FHIT: variants seen among roughly 807,000 people sequenced by gnomAD.
The protein encoded by FHIT is bis(5'-adenosyl)-triphosphatase.
Under a neutral mutation model 17.9 loss-of-function variants are expected in FHIT, and 19 were observed. The observed-to-expected ratio is 1.06, with a 90% CI of 0.74 to 1.56. The LOEUF (loss-of-function observed/expected upper bound fraction) is 1.56. Among genes scored for constraint, FHIT ranks in the 40% most tolerant of loss-of-function variants. The probability of loss-of-function intolerance (pLI) is 0.00; values close to 1 mark genes in which losing one functional copy is unlikely to be tolerated. For synonymous variants in FHIT, 81 were observed against 69.7 expected, an observed-to-expected ratio of 1.16 and a Z score of -0.81; for missense variants, 248 against 189.2, an observed-to-expected ratio of 1.31 and a Z score of -1.82.
chr3:60,925,031 C>G (rs1227466980), intron 3 of FHIT, among the ~76,000 whole-genome samples: 3 of 152,136 alleles, frequency 2.0e-5, no homozygotes, highest in Admixed American at 6.5e-5. Flanking sequence ...AAGAAATGAA[C>G]AAAGCCTACA....
At chr3:61,181,179 G>A (rs2038329359) in intron 2 of FHIT, among the ~76,000 whole-genome samples, 1 of 152,066 alleles carries the variant, frequency 6.6e-6, no homozygotes, top group Non-Finnish European at 1.5e-5. Flanking sequence ...ACGGAAAGAA[G>A]AATTTAGCTC....
intron 5 of FHIT, among the ~76,000 whole-genome samples, chr3:60,376,144 T>C (rs966447856): frequency 6.6e-6 from 1 of 152,170 alleles, no homozygotes; most frequent in Non-Finnish European, 1.5e-5. Context: ...TTGTTTAATG[T>C]CCATCTTTCC....
intron 4 of FHIT, among the ~76,000 whole-genome samples, chr3:60,564,408 G>A (rs948160507): frequency 6.6e-6 from 1 of 152,136 alleles, no homozygotes; most frequent in African/African-American, 2.4e-5. Flanking sequence ...GATCAAGGAG[G>A]AATTCTGACT....
intron 5 of FHIT, among the ~76,000 whole-genome samples, chr3:60,101,497 C>A (rs188846159): frequency 8.5e-5 from 13 of 152,354 alleles, no homozygotes; most frequent in East Asian, 7.7e-4. Flanking sequence ...ACAAAGGTCT[C>A]TGCCTTCCCT....
At chr3:60,307,210 C>T (rs1205129008) in intron 5 of FHIT, among the ~76,000 whole-genome samples, 2 of 152,174 alleles carry the variant, frequency 1.3e-5, no homozygotes, top group African/African-American at 4.8e-5. Context: ...TAAAACATCT[C>T]CTCAAAAACT....
At chr3:60,574,580 A>G (rs28555532) in intron 4 of FHIT, among the ~76,000 whole-genome samples, 23,657 of 151,848 alleles carry the variant, frequency 0.16, 1,895 homozygotes, top group Middle Eastern at 0.22. Context: ...ATCCCTCAAG[A>G]ATCCCAGGCT....
intron 4 of FHIT, among the ~76,000 whole-genome samples, chr3:60,744,593 A>G (rs1235334711): frequency 1.3e-5 from 2 of 152,224 alleles, no homozygotes; most frequent in Non-Finnish European, 2.9e-5. Context: ...TTGTCCCCAC[A>G]TCTAACCAAA....
chr3:60,960,816 T>C lies in FHIT; in HGVS notation c.-111+81231A>G, dbSNP rs374687522. Among the ~76,000 whole-genome samples, 14 of 152,382 alleles carry C rather than the reference T, an allele frequency of 9.2e-5. No homozygotes were observed. The South Asian group carries it at 2.1e-3, about 23-fold the overall frequency. On this transcript the variant is annotated intron_variant, in intron 3 of 9. Coordinates refer to ENST00000492590, the MANE Select transcript of FHIT (RefSeq NM_002012.4). ...CATGTTGTATATGTGCCACATTTTCTTAATCCAGTCTATCATTGTTGGACA... is the reference window on the plus strand; with the variant it reads ...CATGTTGTATATGTGCCACATTTTCCTAATCCAGTCTATCATTGTTGGACA...
intron 8 of FHIT, among the ~76,000 whole-genome samples, chr3:59,768,824 A>C (rs2106820764): frequency 6.6e-6 from 1 of 152,378 alleles, no homozygotes; most frequent in South Asian, 2.1e-4. Context: ...TATACTAGTG[A>C]GGCAGGAACA....
At chr3:61,221,586 G>A (rs774142927) in intron 1 of FHIT, among the ~76,000 whole-genome samples, 4 of 152,154 alleles carry the variant, frequency 2.6e-5, no homozygotes, top group Admixed American at 2.6e-4. Flanking sequence ...GCTGAAACTG[G>A]TTATAAAGTT....
intron 3 of FHIT, among the ~76,000 whole-genome samples, chr3:60,945,316 G>A (rs937616036): frequency 2.6e-5 from 4 of 152,284 alleles, no homozygotes; most frequent in Middle Eastern, 3.4e-3. Flanking sequence ...GTAAAAAGAA[G>A]AGGGCTGAAT....
At chr3:60,068,918 T>C (rs1264816837) in intron 5 of FHIT, among the ~76,000 whole-genome samples, 1 of 152,212 alleles carries the variant, frequency 6.6e-6, no homozygotes, top group East Asian at 1.9e-4. Context: ...AGGATGTTTA[T>C]TGTAAGACTG....
intron 3 of FHIT, among the ~76,000 whole-genome samples, chr3:60,910,996 T>C (rs73838610): frequency 0.073 from 11,095 of 152,216 alleles, 1,322 homozygotes; most frequent in African/African-American, 0.25. Context: ...ATTTTAAAGA[T>C]AGAAATAAAG....
chr3:61,044,741 G>A (rs191601184), intron 2 of FHIT, among the ~76,000 whole-genome samples: 42 of 152,264 alleles, frequency 2.8e-4, no homozygotes, highest in Admixed American at 1.2e-3. Context: ...AGAAAGGTCC[G>A]GTTACCCACA....
chr3:59,930,626 A>G (rs1369474809), intron 7 of FHIT, among the ~76,000 whole-genome samples: 1 of 152,120 alleles, frequency 6.6e-6, no homozygotes, highest in Admixed American at 6.6e-5. Context: ...ATCTGTTTCT[A>G]TGTTGGGATC....
At chr3:59,868,047 T>TTTAAAA (rs397964099) in intron 8 of FHIT, among the ~76,000 whole-genome samples, 3 of 111,346 alleles carry the variant, frequency 2.7e-5, no homozygotes, top group South Asian at 3.0e-4. Flanking sequence ...TTTTTTTTTT[T>TTTAAAA]AAAAAAAAAA....
chr3:60,352,315 A>T (rs1699445966), intron 5 of FHIT, among the ~76,000 whole-genome samples: 1 of 147,944 alleles, frequency 6.8e-6, no homozygotes, highest in Non-Finnish European at 1.5e-5. Flanking sequence ...TTTAAAGGTA[A>T]AAGATTCATA....
intron 8 of FHIT, among the ~76,000 whole-genome samples, chr3:59,776,394 A>G (rs1216346061): frequency 2.0e-5 from 3 of 152,218 alleles, no homozygotes; most frequent in Non-Finnish European, 2.9e-5. Flanking sequence ...TCCAAAAACA[A>G]AAAGTGGCAA....
At chr3:60,278,424 C>G (rs1707272987) in intron 5 of FHIT, among the ~76,000 whole-genome samples, 1 of 152,102 alleles carries the variant, frequency 6.6e-6, no homozygotes, top group Non-Finnish European at 1.5e-5. Flanking sequence ...AAAAAGGGCT[C>G]AGAACATTTC....
Sources: allele counts gnomAD v4.1 joint callset (sites outside exome capture counted in the v4.1 genomes callset), GRCh38; gene constraint gnomAD v4.1.1; transcripts MANE v1.5; gene names NCBI Gene and HGNC (gene_info 2026-07-23, HGNC 2026-07-21).